The following ST6GALNAC2 variants were observed in gnomAD, a reference collection of about 807,000 sequenced individuals.
ST6GALNAC2 encodes ST6 N-acetylgalactosaminide alpha-2,6-sialyltransferase 2, also known as alpha-N-acetylgalactosaminide alpha-2,6-sialyltransferase 2.
In ST6GALNAC2, 42 loss-of-function variants were observed where a neutral mutation model predicts 38.7. That is an observed-to-expected ratio of 1.09 (90% CI 0.85 to 1.40). The LOEUF (loss-of-function observed/expected upper bound fraction) is 1.40, where lower values mean the gene tolerates loss of function less well. Among genes scored for constraint, ST6GALNAC2 ranks in the 40% most tolerant of loss-of-function variants. The pLI, the probability that ST6GALNAC2 is intolerant of heterozygous loss-of-function variation, is 0.00. For missense variants in ST6GALNAC2, 506 were observed against 481.7 expected, an observed-to-expected ratio of 1.05 and a Z score of -0.47; for synonymous variants, 233 against 209.0, an observed-to-expected ratio of 1.11 and a Z score of -0.99.
chr17:76,568,482 C>G, intron 7 of ST6GALNAC2: 1 of 585,032 alleles, frequency 1.7e-6, no homozygotes, highest in Non-Finnish European at 3.1e-6. Context: ...TTGAGTTATC[C>G]TGAGTTTCCT....
chr17:76,573,361 T>A lies in ST6GALNAC2; in HGVS notation c.364A>T (p.Ile122Phe). ...TTCAGAAGGCTCAGGGTGGAGGCGA[T>A]GACTGTGGGTGCAGATGGGGAGCAG... is the stretch of plus-strand genomic sequence containing the variant. Reference protein sequence around the residue: ...YGWRGLSHQVIASTLSLLNGS... With the variant: ...YGWRGLSHQVFASTLSLLNGS... The change falls in exon 4 of 9, where the codon ATC (isoleucine) becomes TTC (phenylalanine). Residue 122 changes from isoleucine (I) to phenylalanine (F), a missense_variant and splice_region_variant. Ile to Phe is a conservative substitution (Grantham distance 21). Transcript: ENST00000225276. This position sits in a 1 kb window ranked among gnomAD's most constrained non-coding sequence, Gnocchi z 5.1. 5.9e-6 allele frequency: 9 copies of A among 1,537,112 alleles called. No individual in the cohort carries two copies. The highest frequency in any genetic ancestry group is 7.9e-6 in the Non-Finnish European group (9 of 1,140,078).
Position 76,572,741 on chromosome 17 carries a change from C to T in ST6GALNAC2, c.565G>A (p.Asp189Asn), listed in dbSNP as rs371906556. 5.6e-6 allele frequency: 9 copies of T among 1,614,086 alleles called. No homozygotes were observed. Among genetic ancestry groups the T allele is most frequent in the Admixed American group, 3.3e-5 (2 of 60,014 alleles). Reference sequence around the variant, plus strand: ...TAGAAGGAAGTCTTGGTGCCCACATCGCGCTCGAAGCCTTTGATCACAGCT... The same window carrying T: ...TAGAAGGAAGTCTTGGTGCCCACATTGCGCTCGAAGCCTTTGATCACAGCT... ...NGAVIKGFERDVGTKTSFYGF... is the reference protein window; with the variant it reads ...NGAVIKGFERNVGTKTSFYGF... The change falls in exon 5 of 9, where the codon GAT becomes AAT. Residue 189 changes from aspartate (D) to asparagine (N), a missense_variant. Asp to Asn is a conservative substitution (Grantham distance 23). Transcript: ENST00000225276.
chr17:76,569,083 T>TG (rs1025790409), intron 6 of ST6GALNAC2: 8 of 42,968 alleles, frequency 1.9e-4, no homozygotes, highest in Admixed American at 6.1e-4. Context: ...CTGGGGGTGG[T>TG]GGGGGGGCGG....
rs573832246 is a variant in ST6GALNAC2 at position 76,570,420 on chromosome 17, G to A, written c.773+145C>T. 3 of 615,664 alleles carry A rather than the reference G, an allele frequency of 4.9e-6. No homozygotes were observed. In the East Asian group the frequency reaches 8.3e-5, roughly 17 times the overall value. 38.1% of individuals were successfully genotyped at this position (615,664 alleles called of 1,614,324 possible). ...CCAGTGCTGTTATGTGAATAATTGG[G>A]GATGATTGAATTCTTAGGGCTGTTC... On this transcript the variant is annotated intron_variant, in intron 6 of 8. Transcript: ENST00000225276.
At chr17:76,585,055 G>C (rs564312170) in intron 1 of ST6GALNAC2, among the ~76,000 whole-genome samples, 2 of 152,376 alleles carry the variant, frequency 1.3e-5, no homozygotes, top group East Asian at 3.9e-4. Context: ...GACGCGGCGC[G>C]GGGAGGAGAA....
At chr17:76,569,738 A>G (rs1253374084) in intron 6 of ST6GALNAC2, 7 of 231,500 alleles carry the variant, frequency 3.0e-5, no homozygotes, top group Middle Eastern at 1.4e-3. Context: ...AGCTCAGACC[A>G]GCAGTGGAAG....
chr17:76,577,165 C>G (rs375454233), intron 2 of ST6GALNAC2, among the ~76,000 whole-genome samples: 11 of 148,288 alleles, frequency 7.4e-5, no homozygotes, highest in Admixed American at 1.4e-4. Flanking sequence ...CTCCCAGGTT[C>G]AAGTGATTCT....
intron 1 of ST6GALNAC2, among the ~76,000 whole-genome samples, chr17:76,579,448 A>G (rs957285735): frequency 6.6e-6 from 1 of 152,256 alleles, no homozygotes; most frequent in Admixed American, 6.5e-5. Context: ...ACAGGGCCCC[A>G]GAGGCAGGCA....
intron 2 of ST6GALNAC2, among the ~76,000 whole-genome samples, chr17:76,574,956 G>A (rs1003602255): frequency 1.3e-5 from 2 of 152,064 alleles, no homozygotes; most frequent in Admixed American, 1.3e-4. Flanking sequence ...GATTACAGGC[G>A]TGAGCCACCG....
At chr17:76,576,555 C>T (rs1010269642) in intron 2 of ST6GALNAC2, among the ~76,000 whole-genome samples, 1 of 152,070 alleles carries the variant, frequency 6.6e-6, no homozygotes. Flanking sequence ...ATAACACACT[C>T]GGTGAAGCTG....
chr17:76,573,159 T>TCCCACCCCC lies in ST6GALNAC2; in HGVS notation c.530+35_530+36insGGGGGTGGG. The TCCCACCCCC allele has an allele frequency of 1.3e-6, 2 of 1,530,322 alleles. No individual in the cohort carries two copies. The highest frequency in any genetic ancestry group is 1.8e-6 in the Non-Finnish European group (2 of 1,120,830). 94.8% of individuals were successfully genotyped at this position (1,530,322 alleles called of 1,614,324 possible). ...GACACCCCCACCCTCCAGGCAACTC[T>TCCCACCCCC]CCCTCCCGCCCCTCCCCAGCTCCTA... On this transcript the variant is annotated intron_variant, in intron 4 of 8. Transcript: ENST00000225276. The surrounding 1 kb of genome is among the most constrained non-coding windows in gnomAD (Gnocchi z 5.1).
Position 76,573,067 on chromosome 17 carries a change from C to T in ST6GALNAC2, c.530+128G>A, listed in dbSNP as rs2075371077. 9.3e-7 allele frequency: 1 copy of T among 1,073,648 alleles called. No individual in the cohort carries two copies. The highest frequency in any genetic ancestry group is 1.6e-5 in the South Asian group (1 of 63,078). 66.5% of individuals were successfully genotyped at this position (1,073,648 alleles called of 1,614,324 possible). The stretch of plus-strand genomic sequence containing the variant: ...CTGTTTGTTTTTGCCTTGTCCATGC[C>T]CGTGTGCTGGTCACAACTGCTGAGC... On this transcript the variant is annotated intron_variant, in intron 4 of 8. Transcript: ENST00000225276. This position sits in a 1 kb window ranked among gnomAD's most constrained non-coding sequence, Gnocchi z 5.1.
At chr17:76,581,518 C>A (rs1303530295) in intron 1 of ST6GALNAC2, among the ~76,000 whole-genome samples, 4 of 151,996 alleles carry the variant, frequency 2.6e-5, no homozygotes, top group African/African-American at 9.7e-5. Context: ...CGGGACAGGG[C>A]AGAGTTGAGA....
chr17:76,581,193 T>G (rs2075470819), intron 1 of ST6GALNAC2: 1 of 152,142 alleles, frequency 6.6e-6, no homozygotes. Context: ...AAGAGCAGAG[T>G]TGATCCCTTC....
rs78087722 is a variant in ST6GALNAC2 at position 76,572,545 on chromosome 17, A to G, written c.669+92T>C. ...GCACCCCCTCAGCATCCACTGGACC[A>G]GGGTGTGTGAGCCCTGTGGCCCCCA... On this transcript the variant is annotated intron_variant, in intron 5 of 8. Coordinates refer to ENST00000225276, the MANE Select transcript of ST6GALNAC2 (RefSeq NM_006456.3). The G allele has an allele frequency of 3.1e-3, 4,507 of 1,459,942 alleles. 103 individuals carry two copies. In the African/African-American group the frequency reaches 0.052, roughly 17 times the overall value. The allele number at this position is 1,459,942 out of a possible 1,614,324, so 90.4% of individuals were successfully genotyped here. A position where few individuals can be genotyped will look rare whatever the true frequency, so the allele number is the denominator to read the frequency against.
chr17:76,585,696 G>T lies in ST6GALNAC2; in HGVS notation c.113C>A (p.Ala38Glu). 4 of 1,527,010 alleles carry T rather than the reference G, an allele frequency of 2.6e-6. No homozygotes were observed. Among genetic ancestry groups the T allele is most frequent in the South Asian group, 2.4e-5 (2 of 82,938 alleles). 94.6% of individuals were successfully genotyped at this position (1,527,010 alleles called of 1,614,324 possible). The change falls in exon 1 of 9, where the codon GCG (alanine) becomes GAG (glutamate). Residue 38 changes from alanine to glutamate, a missense_variant. Ala to Glu is a moderately radical substitution (Grantham distance 107). Coordinates refer to ENST00000225276, the MANE Select transcript of ST6GALNAC2 (RefSeq NM_006456.3). ...CGGCAGCCCCTACCTGGCTCCGGCC[G>T]CTGGCCCCGGGTACCGCTGCACCGC... ...FSAVQRYPGPAAGARDTTSFE... is the reference protein window; with the variant it reads ...FSAVQRYPGPEAGARDTTSFE...
intron 2 of ST6GALNAC2, among the ~76,000 whole-genome samples, chr17:76,574,759 C>T (rs1233724534): frequency 6.6e-6 from 1 of 152,006 alleles, no homozygotes; most frequent in Non-Finnish European, 1.5e-5. Flanking sequence ...TCACTGCAAG[C>T]TCCGTCTCCC....
rs1265016710 is a variant in ST6GALNAC2, at chr17:76,573,636, A to G, written c.362-273T>C. Among the ~76,000 whole-genome samples, 2 of 152,176 alleles carry G rather than the reference A, an allele frequency of 1.3e-5. No homozygotes were observed. Among genetic ancestry groups the G allele is most frequent in the African/African-American group, 4.8e-5 (2 of 41,446 alleles). ...GCTAGAGAAGTGAGCTCAGGGCTTAAAAAAGACTGGGCTGGGCACGGTGGC... is the reference window on the plus strand; with the variant it reads ...GCTAGAGAAGTGAGCTCAGGGCTTAGAAAAGACTGGGCTGGGCACGGTGGC... On this transcript the variant is annotated intron_variant, in intron 3 of 8. Coordinates refer to ENST00000225276, the MANE Select transcript of ST6GALNAC2 (RefSeq NM_006456.3). The surrounding 1 kb of genome is among the most constrained non-coding windows in gnomAD (Gnocchi z 5.1).
In ST6GALNAC2 at chr17:76,570,585, C is replaced by A; in HGVS notation, c.753G>T (p.Glu251Asp). ...CTCACCTGTCCCCTTTATCTAGGCCCTCAGGGACAGGCACGCCCAGAATGG... is the reference window on the plus strand; with the variant it reads ...CTCACCTGTCCCCTTTATCTAGGCCATCAGGGACAGGCACGCCCAGAATGG... ...RSAILGVPVP[E>D]GLDKGDRPHA... Residue 251 changes from glutamate to aspartate, a missense_variant, in exon 6 of 9, where the codon GAG becomes GAT. Coordinates refer to ENST00000225276, the MANE Select transcript of ST6GALNAC2 (RefSeq NM_006456.3). The A allele has an allele frequency of 6.2e-7, 1 of 1,612,510 alleles. No individual in the cohort carries two copies.
Sources: allele counts gnomAD v4.1 joint callset (sites outside exome capture counted in the v4.1 genomes callset), GRCh38; gene constraint gnomAD v4.1.1; non-coding constraint Gnocchi (gnomAD v3.1); transcripts MANE v1.5; gene names NCBI Gene and HGNC (gene_info 2026-07-23, HGNC 2026-07-21).